Variants in ZFYVE28 observed in about 807,000 individuals in gnomAD.
ZFYVE28 encodes the protein zinc finger FYVE-type containing 28, also known as lateral signaling target protein 2 homolog.
ZFYVE28 carries 40 observed loss-of-function variants against 82.1 expected under a neutral mutation model. That is an observed-to-expected ratio of 0.49 (90% CI 0.38 to 0.63). The LOEUF (loss-of-function observed/expected upper bound fraction) is 0.63. Among genes scored for constraint, ZFYVE28 ranks in the 30% least tolerant of loss-of-function variants. ZFYVE28 has a pLI of 0.00. For missense variants in ZFYVE28, 1,321 were observed against 1,242.1 expected (o/e 1.06, Z -0.96); for synonymous variants, 612 against 546.1 (o/e 1.12, Z -1.68).
chr4:2,330,229 G>A (rs1355019731), intron 6 of ZFYVE28: 3 of 958,924 alleles, frequency 3.1e-6, no homozygotes, highest in South Asian at 4.8e-5. Flanking sequence ...TACCAAAAAC[G>A]ACTGTGCACT....
At chr4:2,371,071 C>T (rs867256649) in intron 1 of ZFYVE28, among the ~76,000 whole-genome samples, 1 of 152,296 alleles carries the variant, frequency 6.6e-6, no homozygotes, top group African/African-American at 2.4e-5. Context: ...TGTTAGGTTT[C>T]GGGCCCCGCT....
At chr4:2,294,049 TAATCCCAATCAA>T (rs1714167114) in intron 8 of ZFYVE28, among the ~76,000 whole-genome samples, 1 of 149,712 alleles carries the variant, frequency 6.7e-6, no homozygotes. Flanking sequence ...AGATTCTACA[TAATCCCAATCAA>T]AATCCCAGCA....
intron 1 of ZFYVE28, among the ~76,000 whole-genome samples, chr4:2,378,313 C>G (rs1247240052): frequency 6.6e-6 from 1 of 152,192 alleles, no homozygotes; most frequent in Admixed American, 6.5e-5. Context: ...CACACTCCAA[C>G]CTGGGTGACG....
chr4:2,340,917 G>A (rs1295574604), intron 3 of ZFYVE28, among the ~76,000 whole-genome samples: 2 of 152,214 alleles, frequency 1.3e-5, no homozygotes, highest in East Asian at 1.9e-4. Context: ...GGCGGTGTCG[G>A]GGCTGAGGTC....
intron 8 of ZFYVE28, among the ~76,000 whole-genome samples, chr4:2,279,198 G>A (rs1369135640): frequency 6.6e-6 from 1 of 152,204 alleles, no homozygotes; most frequent in African/African-American, 2.4e-5. Context: ...GTGGGAGGCC[G>A]AGGCGAGAGG....
intron 1 of ZFYVE28, among the ~76,000 whole-genome samples, chr4:2,378,631 C>T (rs1728407070): frequency 6.6e-6 from 1 of 152,180 alleles, no homozygotes; most frequent in Admixed American, 6.5e-5. Flanking sequence ...TGCCCGACTC[C>T]CGGCTGGGGC....
chr4:2,330,932 C>A (rs1463168397), intron 6 of ZFYVE28: 1 of 1,534,710 alleles, frequency 6.5e-7, no homozygotes, highest in South Asian at 1.2e-5. Flanking sequence ...AGAGATGACA[C>A]CTTGTTTTGA....
chr4:2,283,885 G>A (rs978259622), intron 8 of ZFYVE28, among the ~76,000 whole-genome samples: 2 of 152,152 alleles, frequency 1.3e-5, no homozygotes, highest in Non-Finnish European at 2.9e-5. Flanking sequence ...GGAAGCAGCC[G>A]ACAGACTGTA....
chr4:2,282,301 A>T (rs1712069453), intron 8 of ZFYVE28, among the ~76,000 whole-genome samples: 1 of 152,248 alleles, frequency 6.6e-6, no homozygotes, highest in African/African-American at 2.4e-5. Flanking sequence ...CTGGTAAAGA[A>T]AGGCAGTGCA....
chr4:2,302,972 G>A (rs956110687), intron 8 of ZFYVE28, among the ~76,000 whole-genome samples: 5 of 152,286 alleles, frequency 3.3e-5, no homozygotes, highest in South Asian at 2.1e-4. Flanking sequence ...CCGCGCCCTC[G>A]TTAAGCCGAG....
At chr4:2,292,887 C>G (rs182193705) in intron 8 of ZFYVE28, among the ~76,000 whole-genome samples, 4 of 152,288 alleles carry the variant, frequency 2.6e-5, no homozygotes, top group Admixed American at 2.6e-4. Context: ...ATGCAAAATC[C>G]TACTGAAGTT....
chr4:2,297,826 G>A (rs1318526685), intron 8 of ZFYVE28, among the ~76,000 whole-genome samples: 1 of 150,670 alleles, frequency 6.6e-6, no homozygotes, highest in African/African-American at 2.4e-5. Context: ...TGACAGTGGG[G>A]TGACACGGTG....
At chr4:2,298,977 C>T (rs905136749) in intron 8 of ZFYVE28, among the ~76,000 whole-genome samples, 3 of 152,194 alleles carry the variant, frequency 2.0e-5, no homozygotes, top group African/African-American at 2.4e-5. Flanking sequence ...CAGCGCGCCT[C>T]GCACCACACG....
Position 2,409,796 on chromosome 4 carries a change from TC to T in ZFYVE28, c.39+8488del, listed in dbSNP as rs780205897. Among the ~76,000 whole-genome samples, 126 of 152,346 alleles carry T rather than the reference TC, an allele frequency of 8.3e-4. 1 individual carries two copies. Among genetic ancestry groups the T allele is most frequent in the Non-Finnish European group, 3.7e-4 (25 of 68,040 alleles). ...GATCAATCCCAGACACAGAACTCCT[TC>T]ACGCTGTCTTCTGGAAGCCCCAGGA... On this transcript the variant is annotated intron_variant, in intron 1 of 12. Coordinates refer to ENST00000290974, the MANE Select transcript of ZFYVE28 (RefSeq NM_020972.3). The surrounding 1 kb of genome is among the most constrained non-coding windows in gnomAD (Gnocchi z 4.4).
intron 2 of ZFYVE28, among the ~76,000 whole-genome samples, chr4:2,351,550 C>T (rs569194321): frequency 6.6e-6 from 1 of 152,278 alleles, no homozygotes; most frequent in East Asian, 1.9e-4. Flanking sequence ...CCCGTCTCTA[C>T]TAAAAATACA....
chr4:2,317,777 C>T (rs556992065), intron 7 of ZFYVE28, among the ~76,000 whole-genome samples: 60 of 152,256 alleles, frequency 3.9e-4, no homozygotes, highest in African/African-American at 1.3e-3. Flanking sequence ...GGATTACAGG[C>T]GTCCGCCACC....
chr4:2,283,739 A>G (rs17132406), intron 8 of ZFYVE28, among the ~76,000 whole-genome samples: 18,960 of 152,230 alleles, frequency 0.12, 2,512 homozygotes, highest in African/African-American at 0.32. Flanking sequence ...AAAGTGTAAC[A>G]GAGGAACCAT....
At chr4:2,414,049 C>G (rs770069384) in intron 1 of ZFYVE28, among the ~76,000 whole-genome samples, 1 of 152,272 alleles carries the variant, frequency 6.6e-6, no homozygotes, top group Non-Finnish European at 1.5e-5. Flanking sequence ...CCCCACCCCC[C>G]ACTCTGGGGC....
intron 6 of ZFYVE28, among the ~76,000 whole-genome samples, chr4:2,326,261 T>G (rs760138271): frequency 1.3e-5 from 2 of 152,242 alleles, no homozygotes; most frequent in Non-Finnish European, 2.9e-5. Flanking sequence ...TCTAGCTTCA[T>G]TCTTTGACAT....
Sources: allele counts gnomAD v4.1 joint callset (sites outside exome capture counted in the v4.1 genomes callset), GRCh38; gene constraint gnomAD v4.1.1; non-coding constraint Gnocchi (gnomAD v3.1); transcripts MANE v1.5; gene names NCBI Gene and HGNC (gene_info 2026-07-23, HGNC 2026-07-21).